The following DPY19L3 variants were observed in gnomAD, a reference collection of about 807,000 sequenced individuals.
The protein encoded by DPY19L3 is protein C-mannosyl-transferase DPY19L3.
Under a neutral mutation model 92.3 loss-of-function variants are expected in DPY19L3, and 51 were observed. The observed-to-expected ratio is 0.55, with a 90% CI of 0.44 to 0.70. DPY19L3 has a LOEUF of 0.70. Ranked by LOEUF, DPY19L3 falls within the 30% of genes least tolerant of loss-of-function variation. The pLI is 0.00. For missense variants in DPY19L3, 706 were observed against 855.9 expected, an observed-to-expected ratio of 0.82 and a Z score of 2.18; for synonymous variants, 309 against 315.2, an observed-to-expected ratio of 0.98 and a Z score of 0.21.
chr19:32,439,124 A>T lies in DPY19L3; in HGVS notation c.609A>T (p.Thr203=). ...FWYVTNRIDT[T]RVEFTIPLRE... ...TTCTTTTGTGCAGAATAGATACCACAAGAGTTGAGTTTACCATCCCACTGA... is the reference window on the plus strand; with the variant it reads ...TTCTTTTGTGCAGAATAGATACCACTAGAGTTGAGTTTACCATCCCACTGA... Residue 203 remains threonine, a synonymous_variant, in exon 7 of 19, where the codon ACA becomes ACT. Coordinates refer to ENST00000392250, the MANE Select transcript of DPY19L3 (RefSeq NM_001172774.2). The T allele has an allele frequency of 6.2e-7, 1 of 1,612,942 alleles. No individual in the cohort carries two copies. The highest frequency in any genetic ancestry group is 8.5e-7 in the Non-Finnish European group (1 of 1,179,294).
At position 32,485,392 on chromosome 19, in the gene DPY19L3, AGT is replaced by A. The variant is rs5827802; in HGVS notation, c.*3171_*3172del. ...ACCCTTGTGAGATCAGCGTGACAGG[AGT>A]GTGTGTGTGTGTGTGTGTTTCTGTG... is the stretch of plus-strand genomic sequence containing the variant. On this transcript the variant is annotated 3_prime_UTR_variant, in exon 19 of 19. Transcript: ENST00000392250. 44 of 149,526 alleles carry A rather than the reference AGT, an allele frequency of 2.9e-4. No homozygotes were observed. The highest frequency in any genetic ancestry group is 4.2e-4 in the South Asian group (2 of 4,744). 9.3% of individuals were successfully genotyped at this position (149,526 alleles called of 1,614,324 possible). A position where few individuals can be genotyped will look rare whatever the true frequency, so the allele number is the denominator to read the frequency against.
At chr19:32,469,885 G>A (rs1737377189) in intron 16 of DPY19L3, among the ~76,000 whole-genome samples, 1 of 152,216 alleles carries the variant, frequency 6.6e-6, no homozygotes, top group African/African-American at 2.4e-5. Context: ...TAACCAGAAA[G>A]CAGCAGTGTA....
At chr19:32,455,327 C>T (rs536139481) in intron 10 of DPY19L3, among the ~76,000 whole-genome samples, 1 of 152,188 alleles carries the variant, frequency 6.6e-6, no homozygotes, top group Middle Eastern at 3.4e-3. Flanking sequence ...TCAAGAGTTA[C>T]CAGTTTTACT....
chr19:32,436,067 G>A lies in DPY19L3; in HGVS notation c.329-379G>A, dbSNP rs1450362760. Among the ~76,000 whole-genome samples the A allele has an allele frequency of 5.9e-5, 9 of 152,356 alleles. No individual in the cohort carries two copies. The South Asian group carries it at 1.0e-3, about 18-fold the overall frequency. On this transcript the variant is annotated intron_variant, in intron 4 of 18. Coordinates refer to ENST00000392250, the MANE Select transcript of DPY19L3 (RefSeq NM_001172774.2). ...CTGGTTAGAGCACATGGCCAAAGCC[G>A]TTCTGGGGAGTGGAGAAGGAAGGCC...
chr19:32,480,606 C>A lies in DPY19L3; in HGVS notation c.1989+49C>A, dbSNP rs548125204. 40 of 1,561,304 alleles carry A rather than the reference C, an allele frequency of 2.6e-5. No homozygotes were observed. The East Asian group carries it at 8.6e-4, about 34-fold the overall frequency. ...GTGGGGGTCTCCTGGAGGGGCGGGA[C>A]TCTGATTTGAATCCTAAGAATGTGA... On this transcript the variant is annotated intron_variant, in intron 18 of 18. Transcript: ENST00000392250.
intron 15 of DPY19L3, among the ~76,000 whole-genome samples, chr19:32,465,911 A>C (rs1970187409): frequency 6.6e-6 from 1 of 152,210 alleles, no homozygotes. Context: ...ACATCTAGAC[A>C]CGAACAGTTA....
chr19:32,480,772 T>A, intron 18 of DPY19L3: 5 of 622,354 alleles, frequency 8.0e-6, no homozygotes, highest in Non-Finnish European at 1.4e-5. Flanking sequence ...AGGGGAGCCC[T>A]GGGTCCCCAG....
At chr19:32,431,480 A>G (rs1968967012) in intron 3 of DPY19L3, among the ~76,000 whole-genome samples, 1 of 152,190 alleles carries the variant, frequency 6.6e-6, no homozygotes, top group African/African-American at 2.4e-5. Flanking sequence ...AGAATCTCTA[A>G]TAACATAGAT....
At chr19:32,458,021 A>G (rs1969920446) in intron 10 of DPY19L3, 79 bp from the exon 11 acceptor site, 10 of 1,072,136 alleles carry the variant, frequency 9.3e-6, no homozygotes, top group Non-Finnish European at 1.4e-5. Context: ...GACACTGAAT[A>G]TGTAAATTCA....
intron 12 of DPY19L3, among the ~76,000 whole-genome samples, chr19:32,459,777 G>C (rs1272412493): frequency 3.9e-5 from 6 of 152,176 alleles, no homozygotes; most frequent in Admixed American, 1.3e-4. Context: ...AGATTTTAGA[G>C]CATCTTCATC....
chr19:32,429,285 T>C (rs77315996), intron 3 of DPY19L3, among the ~76,000 whole-genome samples: 1 of 152,372 alleles, frequency 6.6e-6, no homozygotes, highest in East Asian at 1.9e-4. Context: ...TTTGTTCGTT[T>C]TGCATTCTTT....
At position 32,408,361 on chromosome 19, in the gene DPY19L3, G is replaced by T; in HGVS notation, c.103+5G>T. On this transcript the variant is annotated splice_donor_5th_base_variant and intron_variant, in intron 2 of 18. Transcript: ENST00000392250. ...TGGAAAATAAATTGCCATCTGGTAG[G>T]TGATTTAAACTAAAGCAGCAATTTG... is the stretch of plus-strand genomic sequence containing the variant. The T allele has an allele frequency of 1.2e-6, 2 of 1,609,738 alleles. No homozygotes were observed. Among genetic ancestry groups the T allele is most frequent in the Non-Finnish European group, 1.7e-6 (2 of 1,176,538 alleles).
At chr19:32,476,640 G>C (rs1970520670) in intron 16 of DPY19L3, among the ~76,000 whole-genome samples, 1 of 151,564 alleles carries the variant, frequency 6.6e-6, no homozygotes, top group African/African-American at 2.4e-5. Context: ...GTCTTTTCTT[G>C]GTCCCTAGTC....
chr19:32,434,454 C>T (rs1206358029), intron 4 of DPY19L3, among the ~76,000 whole-genome samples: 4 of 152,062 alleles, frequency 2.6e-5, no homozygotes, highest in Admixed American at 6.6e-5. Context: ...GTCGGGAGTT[C>T]GAGACCAGCT....
chr19:32,438,090 T>TAC (rs1969203670), intron 6 of DPY19L3, among the ~76,000 whole-genome samples: 1 of 152,196 alleles, frequency 6.6e-6, no homozygotes, highest in African/African-American at 2.4e-5. Context: ...ATATCTACTA[T>TAC]TATAAGCAGT....
chr19:32,433,930 G>T (rs1969051938), intron 4 of DPY19L3, among the ~76,000 whole-genome samples: 1 of 152,102 alleles, frequency 6.6e-6, no homozygotes, highest in Admixed American at 6.6e-5. Flanking sequence ...TTTCAGAGGG[G>T]ATGCAAATTA....
intron 4 of DPY19L3, among the ~76,000 whole-genome samples, chr19:32,435,631 C>CT (rs36109020): frequency 6.6e-6 from 1 of 152,116 alleles, no homozygotes; most frequent in African/African-American, 2.4e-5. Flanking sequence ...TATTGTAAAA[C>CT]TTTTTTTGCC....
intron 17 of DPY19L3, among the ~76,000 whole-genome samples, chr19:32,478,056 A>C (rs532524263): frequency 4.1e-4 from 62 of 152,294 alleles, no homozygotes; most frequent in African/African-American, 1.5e-3. Flanking sequence ...GTTACCTCCC[A>C]CCAGGTCCCT....
intron 3 of DPY19L3, among the ~76,000 whole-genome samples, chr19:32,424,656 C>G (rs923048787): frequency 2.0e-5 from 3 of 152,128 alleles, no homozygotes; most frequent in African/African-American, 7.2e-5. Flanking sequence ...CTCTGTAGAT[C>G]TTCAAGTTGA....
Sources: gnomAD v4.1 joint callset for allele counts (sites outside exome capture counted in the v4.1 genomes callset) on GRCh38, gnomAD v4.1.1 for gene constraint, MANE v1.5 for transcripts, NCBI Gene and HGNC (gene_info 2026-07-23, HGNC 2026-07-21) for gene names.